Variants in CAMTA1 observed in about 807,000 individuals in gnomAD.
CAMTA1 encodes the protein calmodulin binding transcription activator 1, also known as calmodulin-binding transcription activator 1.
CAMTA1 carries 27 observed loss-of-function variants against 170.9 expected under a neutral mutation model. The observed-to-expected ratio is 0.16, with a 90% CI of 0.12 to 0.22. CAMTA1 has a LOEUF of 0.22. Ranked by LOEUF, CAMTA1 falls within the 10% of genes least tolerant of loss-of-function variation. The probability of loss-of-function intolerance (pLI) is 1.00; values close to 1 mark genes in which losing one functional copy is unlikely to be tolerated. For synonymous variants in CAMTA1, 833 were observed against 891.5 expected (o/e 0.93, Z 1.17); for missense variants, 1,619 against 2,217.2 (o/e 0.73, Z 5.42).
chr1:7,141,372 G>C (rs1645879740), intron 4 of CAMTA1, among the ~76,000 whole-genome samples: 2 of 152,188 alleles, frequency 1.3e-5, no homozygotes, highest in African/African-American at 4.8e-5. Context: ...TTTTCCTGGA[G>C]AATGTTATCT....
intron 4 of CAMTA1, among the ~76,000 whole-genome samples, chr1:7,239,635 A>ATTTTTTTTTTTTTTTTTTTT (rs34166595): frequency 9.6e-6 from 1 of 103,978 alleles, no homozygotes; most frequent in East Asian, 2.8e-4. Context: ...TTCAAGGTCA[A>ATTTTTTTTTTTTTTTTTTTT]TTTTTTTTTT....
At chr1:7,370,397 T>C (rs1046658636) in intron 5 of CAMTA1, 4 of 152,150 alleles carry the variant, frequency 2.6e-5, no homozygotes, top group Non-Finnish European at 5.9e-5. Flanking sequence ...GTGCAGAACG[T>C]TTTTCTGCTA....
chr1:6,869,831 G>A (rs1667867693), intron 3 of CAMTA1, among the ~76,000 whole-genome samples: 3 of 151,888 alleles, frequency 2.0e-5, no homozygotes, highest in South Asian at 4.2e-4. Flanking sequence ...TTCCTGCCTG[G>A]ACGTCACGTT....
intron 3 of CAMTA1, among the ~76,000 whole-genome samples, chr1:7,056,636 C>T (rs1707361996): frequency 6.6e-6 from 1 of 151,980 alleles, no homozygotes; most frequent in Non-Finnish European, 1.5e-5. Flanking sequence ...AGTCTCCCTC[C>T]TCAAGGGAGG....
intron 3 of CAMTA1, among the ~76,000 whole-genome samples, chr1:6,939,861 C>T (rs1686128339): frequency 6.6e-6 from 1 of 152,262 alleles, no homozygotes; most frequent in African/African-American, 2.4e-5. Context: ...AGAGCAGGCA[C>T]CTTCTCTGTT....
At chr1:7,594,579 G>A (rs985712842) in intron 6 of CAMTA1, among the ~76,000 whole-genome samples, 6 of 152,222 alleles carry the variant, frequency 3.9e-5, no homozygotes, top group South Asian at 4.1e-4. Flanking sequence ...CTGGGCTGGC[G>A]GCCTGCAGAG....
intron 5 of CAMTA1, among the ~76,000 whole-genome samples, chr1:7,318,967 G>A (rs1053869463): frequency 1.3e-5 from 2 of 152,208 alleles, no homozygotes; most frequent in African/African-American, 2.4e-5. Flanking sequence ...GAAAATGGAC[G>A]ACTGGAGTCT....
At chr1:7,310,719 T>TC (rs1491043113) in intron 5 of CAMTA1, among the ~76,000 whole-genome samples, 1 of 73,116 alleles carries the variant, frequency 1.4e-5, no homozygotes, top group African/African-American at 7.5e-5. Flanking sequence ...TCTTTCTTTC[T>TC]TTCTTTCTTT....
intron 5 of CAMTA1, among the ~76,000 whole-genome samples, chr1:7,413,799 T>G (rs1000177156): frequency 6.6e-6 from 1 of 152,178 alleles, no homozygotes; most frequent in Non-Finnish European, 1.5e-5. Context: ...CTAGGTTGAA[T>G]AGGAGTGGTG....
intron 5 of CAMTA1, among the ~76,000 whole-genome samples, chr1:7,356,346 C>T (rs1208375348): frequency 6.6e-6 from 1 of 152,248 alleles, no homozygotes; most frequent in Non-Finnish European, 1.5e-5. Context: ...TGCACCACAC[C>T]TGTCACACGC....
chr1:7,768,838 C>T lies in CAMTA1; in HGVS notation c.*2347C>T, dbSNP rs2097039240. Reference sequence around the variant, plus strand: ...CTATAGGAGGACACTGAGTAATTTACAAACACAACTGCATTCATAAATGGG... The same window carrying T: ...CTATAGGAGGACACTGAGTAATTTATAAACACAACTGCATTCATAAATGGG... On this transcript the variant is annotated 3_prime_UTR_variant, in exon 23 of 23. Transcript: ENST00000303635. The T allele has an allele frequency of 6.6e-6, 1 of 152,446 alleles. No individual in the cohort carries two copies. The highest frequency in any genetic ancestry group is 2.4e-5 in the African/African-American group (1 of 41,428). The allele number at this position is 152,446 out of a possible 1,614,324, so 9.4% of individuals were successfully genotyped here. A position where few individuals can be genotyped will look rare whatever the true frequency, so the allele number is the denominator to read the frequency against.
At chr1:6,786,058 C>T (rs1307049574) in intron 1 of CAMTA1, among the ~76,000 whole-genome samples, 1 of 151,708 alleles carries the variant, frequency 6.6e-6, no homozygotes, top group Non-Finnish European at 1.5e-5. Context: ...CGTCGGGCGG[C>T]AGCGGCCGGC....
At chr1:6,941,106 G>A (rs1254980477) in intron 3 of CAMTA1, among the ~76,000 whole-genome samples, 1 of 152,056 alleles carries the variant, frequency 6.6e-6, no homozygotes, top group African/African-American at 2.4e-5. Flanking sequence ...AGCAGGGATG[G>A]AACTGAGGTT....
Position 7,463,325 on chromosome 1 carries a change from G to T in CAMTA1, c.439-4505G>T, listed in dbSNP as rs1366572847. Among the ~76,000 whole-genome samples the T allele has an allele frequency of 6.6e-6, 1 of 152,078 alleles. No homozygotes were observed. Among genetic ancestry groups the T allele is most frequent in the African/African-American group, 2.4e-5 (1 of 41,394 alleles). ...AGACACAGAGACAGGGACAGGCAAGGGAAACAGAGACAGGGAGAGACAGAG... is the reference window on the plus strand; with the variant it reads ...AGACACAGAGACAGGGACAGGCAAGTGAAACAGAGACAGGGAGAGACAGAG... On this transcript the variant is annotated intron_variant, in intron 5 of 22. Transcript: ENST00000303635. The surrounding 1 kb of genome is among the most constrained non-coding windows in gnomAD (Gnocchi z 4.7).
Position 7,063,383 on chromosome 1 carries a change from A to G in CAMTA1, c.235-27921A>G, listed in dbSNP as rs1459117315. On this transcript the variant is annotated intron_variant, in intron 3 of 22. Transcript: ENST00000303635. This position sits in a 1 kb window ranked among gnomAD's most constrained non-coding sequence, Gnocchi z 4.3. ...CAGCGCTTTGCTTACCCGTTTGACC[A>G]CGACACCACCGCACCTCCCTGCCCT... is the stretch of plus-strand genomic sequence containing the variant. Among the ~76,000 whole-genome samples, 1 of 152,176 alleles carries G rather than the reference A, an allele frequency of 6.6e-6. No homozygotes were observed. The highest frequency in any genetic ancestry group is 1.5e-5 in the Non-Finnish European group (1 of 68,030).
At chr1:7,549,890 C>T (rs2094774796) in intron 6 of CAMTA1, among the ~76,000 whole-genome samples, 1 of 152,048 alleles carries the variant, frequency 6.6e-6, no homozygotes, top group African/African-American at 2.4e-5. Flanking sequence ...CCTGGGGGCT[C>T]AGAGAAGAGG....
intron 3 of CAMTA1, among the ~76,000 whole-genome samples, chr1:6,902,086 A>AAAAT (rs1553180554): frequency 2.6e-4 from 36 of 136,946 alleles, no homozygotes; most frequent in African/African-American, 9.7e-4. Context: ...AAAAAAAATA[A>AAAAT]AAATAAAAAC....
At chr1:7,373,978 C>G (rs2086664824) in intron 5 of CAMTA1, among the ~76,000 whole-genome samples, 2 of 152,236 alleles carry the variant, frequency 1.3e-5, no homozygotes, top group South Asian at 2.1e-4. Flanking sequence ...ACCGGCTGCT[C>G]TGAGCCTGGC....
chr1:6,917,843 A>C (rs1423244805), intron 3 of CAMTA1, among the ~76,000 whole-genome samples: 1 of 62,826 alleles, frequency 1.6e-5, no homozygotes, highest in African/African-American at 4.6e-5. Flanking sequence ...AGCAAAACCC[A>C]TCGGGGGCGG....
Sources: allele counts gnomAD v4.1 joint callset (sites outside exome capture counted in the v4.1 genomes callset), GRCh38; gene constraint gnomAD v4.1.1; non-coding constraint Gnocchi (gnomAD v3.1); transcripts MANE v1.5; gene names NCBI Gene and HGNC (gene_info 2026-07-23, HGNC 2026-07-21).